Variants in MTUS2 observed in about 807,000 individuals in gnomAD.
MTUS2 encodes microtubule associated scaffold protein 2, also known as microtubule-associated tumor suppressor candidate 2.
A neutral mutation model predicts 114.1 loss-of-function variants in MTUS2; 40 were observed. The ratio of observed to expected loss-of-function variants is 0.35; its 90% CI spans 0.27 to 0.46. The LOEUF is 0.46. MTUS2 is among the 20% of genes least tolerant of loss of function. The pLI, the probability that MTUS2 is intolerant of heterozygous loss-of-function variation, is 1.00. For missense variants in MTUS2, 1,679 were observed against 1,705.4 expected, an observed-to-expected ratio of 0.98 and a Z score of 0.27; for synonymous variants, 688 against 672.0, an observed-to-expected ratio of 1.02 and a Z score of -0.37.
chr13:28,946,808 C>T (rs1185915619), intron 2 of MTUS2, among the ~76,000 whole-genome samples: 2 of 152,072 alleles, frequency 1.3e-5, no homozygotes, highest in East Asian at 3.9e-4. Flanking sequence ...CCTTGGCCCC[C>T]CAAACTGCTT....
chr13:29,180,444 A>G (rs1402284413), intron 5 of MTUS2, among the ~76,000 whole-genome samples: 1 of 152,246 alleles, frequency 6.6e-6, no homozygotes, highest in Non-Finnish European at 1.5e-5. Flanking sequence ...AAGCAAATTA[A>G]TAAGTTGTAA....
intron 3 of MTUS2, among the ~76,000 whole-genome samples, chr13:29,033,208 A>G (rs1350247441): frequency 6.6e-6 from 1 of 152,218 alleles, no homozygotes; most frequent in East Asian, 1.9e-4. Context: ...ATTGTGCCCT[A>G]GAACTTCCAT....
chr13:29,241,557 AT>A (rs1300161085), intron 5 of MTUS2, among the ~76,000 whole-genome samples: 2 of 152,122 alleles, frequency 1.3e-5, no homozygotes, highest in South Asian at 2.1e-4. Context: ...TGGAATTGAC[AT>A]TTCAGTCTCT....
intron 6 of MTUS2, among the ~76,000 whole-genome samples, chr13:29,321,555 G>A (rs1348218800): frequency 6.6e-6 from 1 of 152,188 alleles, no homozygotes; most frequent in East Asian, 1.9e-4. Flanking sequence ...AGCAAAGGGA[G>A]GGTAAAACTT....
At chr13:29,032,876 T>C (rs940078809) in intron 3 of MTUS2, among the ~76,000 whole-genome samples, 3 of 152,234 alleles carry the variant, frequency 2.0e-5, no homozygotes, top group Non-Finnish European at 4.4e-5. Context: ...GATGTATCTT[T>C]TCATGCATGG....
At chr13:29,246,093 T>C (rs1480507397) in intron 5 of MTUS2, among the ~76,000 whole-genome samples, 1 of 152,210 alleles carries the variant, frequency 6.6e-6, no homozygotes, top group African/African-American at 2.4e-5. Context: ...TTGTAAAATA[T>C]GTATTTAAGT....
At chr13:29,056,246 G>A (rs1375962307) in intron 4 of MTUS2, among the ~76,000 whole-genome samples, 9 of 151,984 alleles carry the variant, frequency 5.9e-5, no homozygotes, top group African/African-American at 2.2e-4. Flanking sequence ...TACATCTTGA[G>A]TTGATTTTTG....
chr13:29,322,288 A>G (rs1006979103), intron 6 of MTUS2, among the ~76,000 whole-genome samples: 7 of 152,272 alleles, frequency 4.6e-5, no homozygotes, highest in Non-Finnish European at 7.4e-5. Flanking sequence ...GTGTCTTTCC[A>G]TATTTGTTGA....
At chr13:29,266,752 G>A (rs1218998114) in intron 5 of MTUS2, among the ~76,000 whole-genome samples, 1 of 152,138 alleles carries the variant, frequency 6.6e-6, no homozygotes, top group Non-Finnish European at 1.5e-5. Flanking sequence ...AAAAATATGT[G>A]GCTATGATAG....
chr13:29,227,346 A>G (rs765931887), intron 5 of MTUS2, among the ~76,000 whole-genome samples: 1 of 151,712 alleles, frequency 6.6e-6, no homozygotes, highest in Non-Finnish European at 1.5e-5. Flanking sequence ...AAATTGAGAG[A>G]GGTTTGCCCC....
At chr13:29,435,012 T>C (rs961642946) in intron 8 of MTUS2, among the ~76,000 whole-genome samples, 1 of 152,216 alleles carries the variant, frequency 6.6e-6, no homozygotes, top group Non-Finnish European at 1.5e-5. Context: ...GTGAGTTGGA[T>C]GTTTCATAGG....
At chr13:29,304,148 G>A (rs1899331623) in intron 6 of MTUS2, among the ~76,000 whole-genome samples, 1 of 152,054 alleles carries the variant, frequency 6.6e-6, no homozygotes, top group Admixed American at 6.5e-5. Flanking sequence ...CACAAAATAT[G>A]GAAAGAAAAA....
intron 4 of MTUS2, among the ~76,000 whole-genome samples, chr13:29,078,015 TG>T (rs1198294193): frequency 6.6e-6 from 1 of 152,050 alleles, no homozygotes; most frequent in Non-Finnish European, 1.5e-5. Flanking sequence ...AAAAGAAAAA[TG>T]ATATTATTTT....
chr13:29,441,403 T>C (rs1593447290), intron 9 of MTUS2, among the ~76,000 whole-genome samples: 1 of 152,092 alleles, frequency 6.6e-6, no homozygotes, highest in Admixed American at 6.5e-5. Flanking sequence ...CTCTTTGCCA[T>C]TGTTGTTGTT....
At chr13:29,415,577 T>C (rs576000957) in intron 8 of MTUS2, among the ~76,000 whole-genome samples, 32 of 152,346 alleles carry the variant, frequency 2.1e-4, no homozygotes, top group African/African-American at 7.5e-4. Flanking sequence ...CCATTTATAA[T>C]TTGCCTTCTT....
chr13:29,104,145 C>G (rs1027574090), intron 5 of MTUS2, among the ~76,000 whole-genome samples: 1 of 152,226 alleles, frequency 6.6e-6, no homozygotes, highest in Admixed American at 6.5e-5. Flanking sequence ...TGAGCAGAGG[C>G]TTTCTAAGTC....
At chr13:29,082,134 A>G (rs374189225) in intron 4 of MTUS2, among the ~76,000 whole-genome samples, 7 of 152,212 alleles carry the variant, frequency 4.6e-5, no homozygotes, top group African/African-American at 1.7e-4. Flanking sequence ...AAGAAGAAAC[A>G]CTTGAGTTTC....
chr13:28,864,433 T>C (rs1877177069), intron 2 of MTUS2, among the ~76,000 whole-genome samples: 1 of 152,184 alleles, frequency 6.6e-6, no homozygotes, highest in Non-Finnish European at 1.5e-5. Context: ...CACCTGCAGC[T>C]CTTGAAATTC....
At chr13:29,001,211 T>C (rs952005984) in intron 2 of MTUS2, among the ~76,000 whole-genome samples, 2 of 152,148 alleles carry the variant, frequency 1.3e-5, no homozygotes, top group Admixed American at 6.5e-5. Context: ...TGGAGGGTCT[T>C]GAAGAGAGGA....
Sources: gnomAD v4.1 joint callset for allele counts (sites outside exome capture counted in the v4.1 genomes callset) on GRCh38, gnomAD v4.1.1 for gene constraint, MANE v1.5 for transcripts, NCBI Gene and HGNC (gene_info 2026-07-23, HGNC 2026-07-21) for gene names.